NKAIN2: variants seen among roughly 807,000 people sequenced by gnomAD.
NKAIN2 encodes sodium/potassium transporting ATPase interacting 2.
Under a neutral mutation model 32.6 loss-of-function variants are expected in NKAIN2, and 14 were observed. The ratio of observed to expected loss-of-function variants is 0.43; its 90% CI spans 0.28 to 0.67. The LOEUF (loss-of-function observed/expected upper bound fraction) is 0.67. Ranked by LOEUF, NKAIN2 falls within the 30% of genes least tolerant of loss-of-function variation. The pLI, the probability that NKAIN2 is intolerant of heterozygous loss-of-function variation, is 0.17. For synonymous variants in NKAIN2, 80 were observed against 87.2 expected (o/e 0.92, Z 0.46); for missense variants, 198 against 258.3 (o/e 0.77, Z 1.60).
chr6:124,553,701 A>T (rs774673582), intron 3 of NKAIN2, among the ~76,000 whole-genome samples: 3 of 152,240 alleles, frequency 2.0e-5, no homozygotes, highest in Non-Finnish European at 4.4e-5. Context: ...CTATATTTAC[A>T]TCAGAGAAGT....
chr6:123,918,063 C>T (rs1021052611), intron 1 of NKAIN2, among the ~76,000 whole-genome samples: 1 of 152,098 alleles, frequency 6.6e-6, no homozygotes, highest in African/African-American at 2.4e-5. Flanking sequence ...TATTTTAATA[C>T]TATCCATGCT....
chr6:124,117,291 T>C (rs1213399648), intron 1 of NKAIN2, among the ~76,000 whole-genome samples: 1 of 152,180 alleles, frequency 6.6e-6, no homozygotes, highest in African/African-American at 2.4e-5. Flanking sequence ...CAATTACCTA[T>C]ATCTAAGCAA....
chr6:124,399,103 T>C (rs181983747), intron 3 of NKAIN2, among the ~76,000 whole-genome samples: 21 of 152,220 alleles, frequency 1.4e-4, no homozygotes, highest in Non-Finnish European at 2.8e-4. Flanking sequence ...ATTTTTGTAT[T>C]TTTAGTAGAG....
chr6:124,703,041 A>C (rs1774878520), intron 4 of NKAIN2, among the ~76,000 whole-genome samples: 4 of 152,094 alleles, frequency 2.6e-5, no homozygotes, highest in Admixed American at 1.3e-4. Context: ...TTGCATGCAA[A>C]AAAAGGGCAT....
chr6:124,584,984 C>T (rs1781660681), intron 3 of NKAIN2, among the ~76,000 whole-genome samples: 1 of 152,160 alleles, frequency 6.6e-6, no homozygotes, highest in Non-Finnish European at 1.5e-5. Context: ...AGGGAATCAG[C>T]ATACTGAAAA....
At chr6:123,849,951 T>TG (rs1225936113) in intron 1 of NKAIN2, among the ~76,000 whole-genome samples, 1 of 31,244 alleles carries the variant, frequency 3.2e-5, no homozygotes, top group Non-Finnish European at 1.2e-4. Context: ...TCAGGCTGGT[T>TG]TTTTTTTTTT....
chr6:124,795,596 A>G (rs1489632617), intron 5 of NKAIN2, among the ~76,000 whole-genome samples: 1 of 152,178 alleles, frequency 6.6e-6, no homozygotes, highest in African/African-American at 2.4e-5. Context: ...CTATAGCAAC[A>G]TATTATAAGT....
chr6:124,350,591 G>A (rs1337077039), intron 2 of NKAIN2, among the ~76,000 whole-genome samples: 1 of 152,156 alleles, frequency 6.6e-6, no homozygotes, highest in East Asian at 1.9e-4. Context: ...GGATTTCTAT[G>A]TTCATTAAAG....
At chr6:124,237,453 A>G (rs1368850845) in intron 1 of NKAIN2, among the ~76,000 whole-genome samples, 4 of 152,136 alleles carry the variant, frequency 2.6e-5, no homozygotes, top group African/African-American at 9.6e-5. Context: ...AGCAGGGGCA[A>G]TAGAAAGCAT....
intron 1 of NKAIN2, among the ~76,000 whole-genome samples, chr6:124,083,177 T>C (rs984365635): frequency 6.6e-6 from 1 of 151,924 alleles, no homozygotes; most frequent in Admixed American, 6.6e-5. Flanking sequence ...TCAAATAAAA[T>C]TCAGATTTTT....
chr6:124,779,285 A>AGAGAGAG (rs1779138164), intron 4 of NKAIN2, among the ~76,000 whole-genome samples: 2 of 75,348 alleles, frequency 2.7e-5, no homozygotes, highest in Non-Finnish European at 5.1e-5. Context: ...GAGAGAGAGG[A>AGAGAGAG]AGGCAGGAAG....
chr6:124,805,662 G>A (rs1443700727), intron 5 of NKAIN2, among the ~76,000 whole-genome samples: 2 of 152,222 alleles, frequency 1.3e-5, no homozygotes, highest in African/African-American at 2.4e-5. Flanking sequence ...GACGAGTTGA[G>A]AGAAGAAGGC....
chr6:123,937,053 C>T (rs1776544174), intron 1 of NKAIN2, among the ~76,000 whole-genome samples: 2 of 152,038 alleles, frequency 1.3e-5, no homozygotes, highest in African/African-American at 4.8e-5. Context: ...TAGCGGCCAG[C>T]TCCAAAAATC....
intron 3 of NKAIN2, among the ~76,000 whole-genome samples, chr6:124,585,759 C>T (rs1298354592): frequency 6.6e-6 from 1 of 151,994 alleles, no homozygotes; most frequent in Non-Finnish European, 1.5e-5. Flanking sequence ...ATTTTTTGTT[C>T]TTTTAAATGT....
chr6:123,958,867 C>T (rs1440874964), intron 1 of NKAIN2, among the ~76,000 whole-genome samples: 1 of 152,048 alleles, frequency 6.6e-6, no homozygotes, highest in Non-Finnish European at 1.5e-5. Flanking sequence ...CTTTATAGAC[C>T]AGGAAGAAAA....
chr6:124,136,936 C>G (rs762592973), intron 1 of NKAIN2, among the ~76,000 whole-genome samples: 3 of 152,054 alleles, frequency 2.0e-5, no homozygotes, highest in East Asian at 1.9e-4. Context: ...AGTATTCCCC[C>G]CTGAGAATTA....
chr6:124,462,681 A>G (rs1437649884), intron 3 of NKAIN2, among the ~76,000 whole-genome samples: 4 of 151,976 alleles, frequency 2.6e-5, no homozygotes, highest in Admixed American at 6.6e-5. Context: ...TTTTTAAAGT[A>G]TTTTTTTACT....
chr6:123,974,210 C>A (rs1007420282), intron 1 of NKAIN2, among the ~76,000 whole-genome samples: 55 of 152,114 alleles, frequency 3.6e-4, no homozygotes, highest in Non-Finnish European at 7.1e-4. Context: ...CGATAGCCAC[C>A]TGAGGTGTGT....
chr6:123,910,750 C>T (rs557247612), intron 1 of NKAIN2, among the ~76,000 whole-genome samples: 30 of 151,914 alleles, frequency 2.0e-4, no homozygotes, highest in East Asian at 7.8e-4. Context: ...GTGATCTGCC[C>T]GCCTTAGCCT....
Sources: allele counts gnomAD v4.1 joint callset (sites outside exome capture counted in the v4.1 genomes callset), GRCh38; gene constraint gnomAD v4.1.1; transcripts MANE v1.5; gene names NCBI Gene and HGNC (gene_info 2026-07-23, HGNC 2026-07-21).